Variants in KLF7 observed in about 807,000 individuals in gnomAD.
KLF7 encodes Krueppel-like factor 7.
Under a neutral mutation model 27.3 loss-of-function variants are expected in KLF7, and 2 were observed. The ratio of observed to expected loss-of-function variants is 0.07; its 90% confidence interval spans 0.03 to 0.23. The LOEUF is 0.23. Among genes scored for constraint, KLF7 ranks in the 10% least tolerant of loss-of-function variants. The pLI is 1.00. For missense variants in KLF7, 221 were observed against 394.1 expected, an observed-to-expected ratio of 0.56 and a Z score of 3.72; for synonymous variants, 165 against 162.4, an observed-to-expected ratio of 1.02 and a Z score of -0.12.
In KLF7 at chr2:207,079,505, T is replaced by C. The variant is rs1275658347; in HGVS notation, c.*1708A>G. Reference sequence around the variant, plus strand: ...GGATGGTCCCAGAATATACAAAATATACAATCTGTCCTAATAACCACCCCG... The same window carrying C: ...GGATGGTCCCAGAATATACAAAATACACAATCTGTCCTAATAACCACCCCG... On this transcript the variant is annotated 3_prime_UTR_variant, in exon 4 of 4. Coordinates refer to ENST00000309446, the MANE Select transcript of KLF7 (RefSeq NM_003709.4). The C allele has an allele frequency of 6.6e-6, 1 of 152,196 alleles. No homozygotes were observed. The highest frequency in any genetic ancestry group is 2.4e-5 in the African/African-American group (1 of 41,454). 9.4% of individuals were successfully genotyped at this position (152,196 alleles called of 1,614,324 possible).
At chr2:207,152,314 GT>G (rs1460315095) in intron 1 of KLF7, among the ~76,000 whole-genome samples, 10 of 145,060 alleles carry the variant, frequency 6.9e-5, no homozygotes, top group African/African-American at 2.8e-4. Flanking sequence ...CACACACGGA[GT>G]TTTTACTACA....
chr2:207,087,423 C>T (rs765623986), intron 3 of KLF7, among the ~76,000 whole-genome samples: 8 of 152,092 alleles, frequency 5.3e-5, no homozygotes, highest in Non-Finnish European at 8.8e-5. Flanking sequence ...AACACTACTA[C>T]AGAGGAAGCC....
At chr2:207,101,285 T>G (rs1000724200) in intron 2 of KLF7, among the ~76,000 whole-genome samples, 1 of 152,230 alleles carries the variant, frequency 6.6e-6, no homozygotes. Context: ...CTCTTCACGT[T>G]AGAGCTCAGC....
rs1283779622 is a variant in KLF7 at position 207,080,026 on chromosome 2, A to G, written c.*1187T>C. On this transcript the variant is annotated 3_prime_UTR_variant, in exon 4 of 4. Coordinates refer to ENST00000309446, the MANE Select transcript of KLF7 (RefSeq NM_003709.4). The stretch of plus-strand genomic sequence containing the variant: ...TTGTCAGGTCATAAACCAGAGTTAA[A>G]TTAAATACGCAGCTGCCCTCTGAGA... 1 of 152,204 alleles carries G rather than the reference A, an allele frequency of 6.6e-6. No individual in the cohort carries two copies. The highest frequency in any genetic ancestry group is 2.4e-5 in the African/African-American group (1 of 41,440). 9.4% of individuals were successfully genotyped at this position (152,204 alleles called of 1,614,324 possible).
intron 1 of KLF7, among the ~76,000 whole-genome samples, chr2:207,125,047 G>A (rs2077443481): frequency 6.6e-6 from 1 of 152,202 alleles, no homozygotes; most frequent in Admixed American, 6.5e-5. Flanking sequence ...GTTGTTTATA[G>A]CAAGTCATTT....
chr2:207,151,585 T>A (rs1480064684), intron 1 of KLF7, among the ~76,000 whole-genome samples: 1 of 152,206 alleles, frequency 6.6e-6, no homozygotes, highest in Non-Finnish European at 1.5e-5. Context: ...GGGAAAACTG[T>A]GCAAGGACAT....
At chr2:207,172,875 T>G in the KLF7 span, among the ~76,000 whole-genome samples, 1 of 152,236 alleles carries the variant, frequency 6.6e-6, no homozygotes, top group South Asian at 2.1e-4. Flanking sequence ...TTGAATATAT[T>G]GCATTGTATT....
Position 207,124,159 on chromosome 2 carries a change from G to C in KLF7, c.348C>G (p.Ser116Arg), listed in dbSNP as rs778373924. 1 of 1,614,068 alleles carries C rather than the reference G, an allele frequency of 6.2e-7. No individual in the cohort carries two copies. The highest frequency in any genetic ancestry group is 8.5e-7 in the Non-Finnish European group (1 of 1,180,042). The change falls in exon 2 of 4, where the codon AGC (serine) becomes AGG (arginine). Residue 116 changes from serine to arginine, a missense_variant. Ser to Arg is a moderately radical substitution (Grantham distance 110). Coordinates refer to ENST00000309446, the MANE Select transcript of KLF7 (RefSeq NM_003709.4). ...SETCLSLQPA[S>R]SSLDSYTAVN... ...CGGCTGTGTAGCTGTCTAGAGAAGA[G>C]CTGGCCGGCTGGAGGCTGAGGCAGG...
upstream of KLF7, chr2:207,165,970 TCTTTA>T (rs1009749578): frequency 2.0e-6 from 2 of 1,005,874 alleles, no homozygotes; most frequent in African/African-American, 3.4e-5. Context: ...CAATCTTTGC[TCTTTA>T]TTTTGGGAGG....
chr2:207,132,522 G>C (rs1055114117), intron 1 of KLF7, among the ~76,000 whole-genome samples: 78 of 152,214 alleles, frequency 5.1e-4, no homozygotes, highest in African/African-American at 1.9e-3. Context: ...CCTTGGGGAG[G>C]TGGGTGGTGA....
chr2:207,078,508 G>A lies in KLF7; in HGVS notation c.*2705C>T, dbSNP rs1202673396. 3 of 152,298 alleles carry A rather than the reference G, an allele frequency of 2.0e-5. No homozygotes were observed. Among genetic ancestry groups the A allele is most frequent in the South Asian group, 2.1e-4 (1 of 4,816 alleles). 9.4% of individuals were successfully genotyped at this position (152,298 alleles called of 1,614,324 possible). A position where few individuals can be genotyped will look rare whatever the true frequency, so the allele number is the denominator to read the frequency against. ...AATAGAGCCTTGCATTGGTCAGTTC[G>A]AAAATTAAATTAAGTATTATAAACC... On this transcript the variant is annotated 3_prime_UTR_variant, in exon 4 of 4. Coordinates refer to ENST00000309446, the MANE Select transcript of KLF7 (RefSeq NM_003709.4).
At chr2:207,166,328 G>T, upstream of KLF7, 1 of 308,418 alleles carries the variant, frequency 3.2e-6, no homozygotes, top group Non-Finnish European at 4.7e-6. Context: ...ACAAGGCGGT[G>T]CGAGGCGAGC....
chr2:207,093,102 G>A (rs2076548047), intron 2 of KLF7, among the ~76,000 whole-genome samples: 1 of 152,030 alleles, frequency 6.6e-6, no homozygotes, highest in Non-Finnish European at 1.5e-5. Flanking sequence ...CTCTTACAGG[G>A]GGCCTTAGTC....
chr2:207,172,914 G>A, the KLF7 span, among the ~76,000 whole-genome samples: 1 of 152,230 alleles, frequency 6.6e-6, no homozygotes. Context: ...GAGAGCAGGA[G>A]AGAAGATTGT....
chr2:207,124,729 AT>A (rs1236462928), intron 1 of KLF7, among the ~76,000 whole-genome samples: 4 of 152,174 alleles, frequency 2.6e-5, no homozygotes, highest in Non-Finnish European at 5.9e-5. Flanking sequence ...AGATGCTCCA[AT>A]TTCCCCTCTA....
intron 1 of KLF7, among the ~76,000 whole-genome samples, chr2:207,156,013 C>G (rs765451697): frequency 2.0e-5 from 3 of 152,202 alleles, no homozygotes; most frequent in Non-Finnish European, 4.4e-5. Flanking sequence ...TGGGCACTCC[C>G]TTGCAGGGCA....
chr2:207,130,235 T>C (rs1320101787), intron 1 of KLF7, among the ~76,000 whole-genome samples: 1 of 151,998 alleles, frequency 6.6e-6, no homozygotes, highest in Admixed American at 6.5e-5. Flanking sequence ...CATTCTTTCA[T>C]TCAAAGTTCA....
chr2:207,078,835 C>T lies in KLF7; in HGVS notation c.*2378G>A, dbSNP rs931527197. 3.3e-5 allele frequency: 5 copies of T among 152,154 alleles called. No individual in the cohort carries two copies. Among genetic ancestry groups the T allele is most frequent in the African/African-American group, 1.2e-4 (5 of 41,432 alleles). 9.4% of individuals were successfully genotyped at this position (152,154 alleles called of 1,614,324 possible). ...CCCATGGTACGCCCTGATGGACTGG[C>T]CACAAAATGCACTCAAATGCAGCAG... On this transcript the variant is annotated 3_prime_UTR_variant, in exon 4 of 4. Coordinates refer to ENST00000309446, the MANE Select transcript of KLF7 (RefSeq NM_003709.4).
chr2:207,134,597 C>G (rs1421160687), intron 1 of KLF7, among the ~76,000 whole-genome samples: 3 of 152,164 alleles, frequency 2.0e-5, no homozygotes, highest in Non-Finnish European at 4.4e-5. Context: ...GATTGTTGTA[C>G]TGTTACTTGA....
Sources: gnomAD v4.1 joint callset for allele counts (sites outside exome capture counted in the v4.1 genomes callset) on GRCh38, gnomAD v4.1.1 for gene constraint, MANE v1.5 for transcripts, NCBI Gene and HGNC (gene_info 2026-07-23, HGNC 2026-07-21) for gene names.